The following CSNK2A2IP variants were observed in gnomAD, a reference collection of about 807,000 sequenced individuals.
The protein encoded by CSNK2A2IP is casein kinase 2 subunit alpha' interacting protein.
At chr3:88,458,428 G>A in the CSNK2A2IP span, among the ~76,000 whole-genome samples, 3 of 152,046 alleles carry the variant, frequency 2.0e-5, no homozygotes, top group Admixed American at 6.5e-5. Context: ...TGAGACTACA[G>A]GCGTAAGACA....
chr3:88,420,981 A>G, the CSNK2A2IP span, among the ~76,000 whole-genome samples: 1 of 152,144 alleles, frequency 6.6e-6, no homozygotes, highest in African/African-American at 2.4e-5. Flanking sequence ...ACTAAGAGAT[A>G]CATTTACAGA....
chr3:88,362,124 G>A, the CSNK2A2IP span, among the ~76,000 whole-genome samples: 1 of 152,040 alleles, frequency 6.6e-6, no homozygotes, highest in South Asian at 2.1e-4. Flanking sequence ...TCTGTTTGGA[G>A]AGGTCATGTT....
At chr3:88,369,259 T>A in the CSNK2A2IP span, among the ~76,000 whole-genome samples, 1 of 151,956 alleles carries the variant, frequency 6.6e-6, no homozygotes, top group East Asian at 1.9e-4. Context: ...CCTTGTAGGA[T>A]ATTGACTTTG....
At chr3:88,370,871 T>A in the CSNK2A2IP span, among the ~76,000 whole-genome samples, 1 of 151,676 alleles carries the variant, frequency 6.6e-6, no homozygotes, top group African/African-American at 2.4e-5. Flanking sequence ...ATTATTTTCT[T>A]TATGAGAAGA....
At chr3:88,422,171 A>G in the CSNK2A2IP span, among the ~76,000 whole-genome samples, 15,244 of 152,232 alleles carry the variant, frequency 0.1, 984 homozygotes, top group South Asian at 0.15. Context: ...ATGTGTATCC[A>G]TTTGTAAGTA....
At chr3:88,420,580 T>C in the CSNK2A2IP span, among the ~76,000 whole-genome samples, 1 of 152,172 alleles carries the variant, frequency 6.6e-6, no homozygotes, top group East Asian at 1.9e-4. Context: ...TATATGATTC[T>C]ACAACATAAA....
At chr3:88,368,061 C>T in the CSNK2A2IP span, among the ~76,000 whole-genome samples, 2 of 152,050 alleles carry the variant, frequency 1.3e-5, no homozygotes, top group South Asian at 2.1e-4. Context: ...CAGACAATGT[C>T]ATTAACATTT....
At chr3:88,382,574 C>G in the CSNK2A2IP span, 2 of 152,174 alleles carry the variant, frequency 1.3e-5, no homozygotes, top group Admixed American at 1.3e-4. Context: ...GTTGTGGTTT[C>G]TATCTTGCAG....
At chr3:88,426,388 G>A in the CSNK2A2IP span, among the ~76,000 whole-genome samples, 1 of 152,308 alleles carries the variant, frequency 6.6e-6, no homozygotes, top group South Asian at 2.1e-4. Flanking sequence ...ATAGCAAGTA[G>A]GTGCTAGATA....
the CSNK2A2IP span, among the ~76,000 whole-genome samples, chr3:88,416,382 T>C: frequency 1.3e-5 from 2 of 152,118 alleles, no homozygotes; most frequent in African/African-American, 2.4e-5. Context: ...TTTTTGTTTA[T>C]AGATTTTGCA....
chr3:88,413,842 C>T, the CSNK2A2IP span, among the ~76,000 whole-genome samples: 2 of 151,818 alleles, frequency 1.3e-5, no homozygotes, highest in African/African-American at 4.9e-5. Flanking sequence ...GTGACAAATA[C>T]TTGCAACCTA....
At chr3:88,348,472 A>C in the CSNK2A2IP span, among the ~76,000 whole-genome samples, 1 of 152,096 alleles carries the variant, frequency 6.6e-6, no homozygotes, top group African/African-American at 2.4e-5. Context: ...GTAATCCAGA[A>C]GACACTATAG....
the CSNK2A2IP span, among the ~76,000 whole-genome samples, chr3:88,400,394 G>A: frequency 5.9e-5 from 9 of 152,046 alleles, no homozygotes; most frequent in African/African-American, 1.9e-4. Flanking sequence ...GAAAGGGGTG[G>A]TAGGCAGAAT....
At chr3:88,340,088 A>G in the CSNK2A2IP span, among the ~76,000 whole-genome samples, 1 of 152,046 alleles carries the variant, frequency 6.6e-6, no homozygotes, top group Non-Finnish European at 1.5e-5. Context: ...TGTACCAAGA[A>G]AGAGCTTGGG....
chr3:88,396,845 G>T, the CSNK2A2IP span, among the ~76,000 whole-genome samples: 1 of 152,182 alleles, frequency 6.6e-6, no homozygotes, highest in Non-Finnish European at 1.5e-5. Flanking sequence ...AGTTAAGCGG[G>T]TACAGCAATA....
chr3:88,356,607 T>C, the CSNK2A2IP span, among the ~76,000 whole-genome samples: 5 of 152,134 alleles, frequency 3.3e-5, no homozygotes, highest in African/African-American at 1.2e-4. Flanking sequence ...TTTGGATATA[T>C]ACCTAGCAGT....
At chr3:88,374,415 A>T in the CSNK2A2IP span, among the ~76,000 whole-genome samples, 31 of 151,592 alleles carry the variant, frequency 2.0e-4, no homozygotes, top group Non-Finnish European at 4.0e-4. Flanking sequence ...TGGATTTGGG[A>T]GTCATCAACA....
At chr3:88,445,274 C>CCAAAAAAAAAAAAAAAA in the CSNK2A2IP span, among the ~76,000 whole-genome samples, 1 of 9,044 alleles carries the variant, frequency 1.1e-4, no homozygotes, top group Non-Finnish European at 3.9e-4. Flanking sequence ...AGTAAAAATA[C>CCAAAAAAAAAAAAAAAA]CAAAAAAAAA....
At chr3:88,440,602 A>G in the CSNK2A2IP span, among the ~76,000 whole-genome samples, 1 of 152,206 alleles carries the variant, frequency 6.6e-6, no homozygotes, top group Non-Finnish European at 1.5e-5. Flanking sequence ...TTGGATAATC[A>G]ACTTTAAGAG....
Sources: allele counts gnomAD v4.1 joint callset (sites outside exome capture counted in the v4.1 genomes callset), GRCh38; gene constraint gnomAD v4.1.1; transcripts MANE v1.5; gene names NCBI Gene and HGNC (gene_info 2026-07-23, HGNC 2026-07-21).